The following ORC4 variants were observed in gnomAD, a reference collection of about 807,000 sequenced individuals.
The protein encoded by ORC4 is origin recognition complex subunit 4.
Under a neutral mutation model 63.9 loss-of-function variants are expected in ORC4, and 55 were observed. The observed-to-expected ratio is 0.86, with a 90% confidence interval of 0.69 to 1.08. The LOEUF (loss-of-function observed/expected upper bound fraction) is 1.08. Ranked by LOEUF, ORC4 falls within the 50% of genes least tolerant of loss-of-function variation. The probability of loss-of-function intolerance (pLI) is 0.00; values close to 1 mark genes in which losing one functional copy is unlikely to be tolerated. For missense variants in ORC4, 511 were observed against 504.4 expected (o/e 1.01, Z -0.13); for synonymous variants, 150 against 168.5 (o/e 0.89, Z 0.85).
Position 147,968,755 on chromosome 2 carries a change from A to C in ORC4, c.225+3984T>G, listed in dbSNP as rs112345397. 2.6e-5 allele frequency among the ~76,000 whole-genome samples: 4 copies of C among 152,232 alleles called. 1 individual carries two copies. Among genetic ancestry groups the C allele is most frequent in the African/African-American group, 9.6e-5 (4 of 41,572 alleles). On this transcript the variant is annotated intron_variant, in intron 4 of 13. Transcript: ENST00000392857. ...AAAAACCACTACAAATAGAACTACC[A>C]TATGGTCCAGCAATCACACTACTGA...
At chr2:148,017,949 ACAATT>A (rs1374262483) in intron 1 of ORC4, among the ~76,000 whole-genome samples, 1 of 152,200 alleles carries the variant, frequency 6.6e-6, no homozygotes, top group East Asian at 1.9e-4. Context: ...AACTACGTAT[ACAATT>A]CAAAGAACAA....
intron 4 of ORC4, among the ~76,000 whole-genome samples, chr2:147,959,217 C>T (rs544352826): frequency 6.6e-6 from 1 of 152,156 alleles, no homozygotes; most frequent in East Asian, 1.9e-4. Context: ...ACACATCTCT[C>T]TGACAATTAC....
chr2:147,940,414 C>T (rs1688302262), intron 10 of ORC4, among the ~76,000 whole-genome samples: 2 of 151,934 alleles, frequency 1.3e-5, no homozygotes, highest in Admixed American at 1.3e-4. Context: ...AGGGCATCTA[C>T]CCAGAGGAAA....
In ORC4 at chr2:148,009,018, G is replaced by A. The variant is rs139113677; in HGVS notation, c.-18+11615C>T. Among the ~76,000 whole-genome samples, 756 of 152,174 alleles carry A rather than the reference G, an allele frequency of 5.0e-3. 3 individuals are homozygous for A. Among genetic ancestry groups the A allele is most frequent in the Non-Finnish European group, 8.5e-3 (577 of 68,028 alleles). ...CAAAAAGTCAAAAAGTGAAGGGATGGAGTAGAAGTGTACAGGTTTTTAGTT... is the reference window on the plus strand; with the variant it reads ...CAAAAAGTCAAAAAGTGAAGGGATGAAGTAGAAGTGTACAGGTTTTTAGTT... On this transcript the variant is annotated intron_variant, in intron 1 of 13. Transcript: ENST00000392857.
intron 1 of ORC4, among the ~76,000 whole-genome samples, chr2:148,007,934 C>T (rs919915706): frequency 1.3e-5 from 2 of 152,058 alleles, no homozygotes; most frequent in East Asian, 1.9e-4. Flanking sequence ...TAGCAGAAAC[C>T]CTGGCAGGCC....
At chr2:147,979,537 C>T (rs1389964220) in intron 1 of ORC4, among the ~76,000 whole-genome samples, 1 of 151,728 alleles carries the variant, frequency 6.6e-6, no homozygotes, top group Non-Finnish European at 1.5e-5. Flanking sequence ...CAAAGTAATC[C>T]ATATCAAAAT....
intron 1 of ORC4, among the ~76,000 whole-genome samples, chr2:148,016,448 C>G (rs1322191101): frequency 1.3e-5 from 2 of 152,196 alleles, no homozygotes; most frequent in Non-Finnish European, 2.9e-5. Context: ...CAGCATGGGT[C>G]AACAGAAAGG....
At position 147,972,758 on chromosome 2, in the gene ORC4, C is replaced by A. The variant is rs758258444; in HGVS notation, c.206G>T (p.Arg69Leu). 1 of 1,609,146 alleles carries A rather than the reference C, an allele frequency of 6.2e-7. No individual in the cohort carries two copies. Among genetic ancestry groups the A allele is most frequent in the Non-Finnish European group, 8.5e-7 (1 of 1,176,564 alleles). ...TTTTACCATAGTTTTTCCTGATCCT[C>A]GGGGTCCGATAATAAGGACAGAGTT... is the stretch of plus-strand genomic sequence containing the variant. ...ESNSVLIIGP[R>L]GSGKTMLINH... The change falls in exon 4 of 14, where the codon CGA becomes CTA. Residue 69 changes from arginine (R) to leucine (L), a missense_variant. Coordinates refer to ENST00000392857, the MANE Select transcript of ORC4 (RefSeq NM_181741.4).
intron 1 of ORC4, among the ~76,000 whole-genome samples, chr2:148,008,350 T>C (rs1692748111): frequency 6.6e-6 from 1 of 152,216 alleles, no homozygotes; most frequent in Non-Finnish European, 1.5e-5. Context: ...GAGAACCTTC[T>C]TCTTTTAGAA....
At chr2:147,990,223 GTTC>G (rs1245226355) in intron 1 of ORC4, among the ~76,000 whole-genome samples, 18 of 152,180 alleles carry the variant, frequency 1.2e-4, no homozygotes, top group African/African-American at 4.3e-4. Context: ...TCGATAAAAT[GTTC>G]TTGATTTGCT....
chr2:147,994,115 C>T (rs545304894), intron 1 of ORC4, among the ~76,000 whole-genome samples: 8 of 151,940 alleles, frequency 5.3e-5, no homozygotes, highest in African/African-American at 1.9e-4. Flanking sequence ...TTAGCAACAA[C>T]AACAAAAAAC....
intron 1 of ORC4, among the ~76,000 whole-genome samples, chr2:148,019,527 G>A (rs953278351): frequency 3.3e-5 from 5 of 152,218 alleles, no homozygotes; most frequent in Non-Finnish European, 4.4e-5. Flanking sequence ...AGGAGACAGA[G>A]GTTGCAGTGA....
chr2:147,977,237 TA>T (rs954432529), intron 1 of ORC4, among the ~76,000 whole-genome samples: 2 of 152,138 alleles, frequency 1.3e-5, no homozygotes, highest in South Asian at 2.1e-4. Flanking sequence ...ACCACTTTTT[TA>T]AAAAAGTGTA....
At chr2:147,958,907 T>C (rs376333077) in intron 4 of ORC4, 41 bp from the exon 5 acceptor site, 8 of 832,164 alleles carry the variant, frequency 9.6e-6, no homozygotes, top group Non-Finnish European at 1.4e-5. Flanking sequence ...AGGTAAAAGA[T>C]AAAAATAAGT....
intron 1 of ORC4, among the ~76,000 whole-genome samples, chr2:147,992,296 CTCTG>C (rs1475684554): frequency 6.6e-6 from 1 of 152,076 alleles, no homozygotes; most frequent in Non-Finnish European, 1.5e-5. Context: ...TGGGGCTTCC[CTCTG>C]TCAACTAGGG....
intron 1 of ORC4, among the ~76,000 whole-genome samples, chr2:147,995,787 C>A (rs117362162): frequency 6.6e-6 from 1 of 152,096 alleles, no homozygotes; most frequent in Non-Finnish European, 1.5e-5. Flanking sequence ...AAACTCCAGA[C>A]ACACCATCTT....
intron 1 of ORC4, among the ~76,000 whole-genome samples, chr2:148,007,894 C>T (rs948114568): frequency 6.6e-6 from 1 of 152,170 alleles, no homozygotes; most frequent in African/African-American, 2.4e-5. Flanking sequence ...AGAAACGCTA[C>T]AGGCCAGAAG....
At position 147,986,790 on chromosome 2, in the gene ORC4, T is replaced by TACACACACACACACAC. The variant is rs70992183; in HGVS notation, c.-17-10831_-17-10816dup. Among the ~76,000 whole-genome samples, 491 of 148,642 alleles carry TACACACACACACACAC rather than the reference T, an allele frequency of 3.3e-3. 3 individuals are homozygous for TACACACACACACACAC. The highest frequency in any genetic ancestry group is 0.011 in the African/African-American group (436 of 40,372). Reference sequence around the variant, plus strand: ...AATTTTATACAGACACACACACACATACACACACACACACACACACACACT... The same window carrying TACACACACACACACAC: ...AATTTTATACAGACACACACACACATACACACACACACACACACACACACACACACACACACACACT... On this transcript the variant is annotated intron_variant, in intron 1 of 13. Transcript: ENST00000392857.
chr2:147,950,917 C>T (rs1688923796), intron 8 of ORC4, among the ~76,000 whole-genome samples: 1 of 151,854 alleles, frequency 6.6e-6, no homozygotes, highest in African/African-American at 2.4e-5. Flanking sequence ...ACAACACTCA[C>T]CACAGCCACT....
Sources: allele counts gnomAD v4.1 joint callset (sites outside exome capture counted in the v4.1 genomes callset), GRCh38; gene constraint gnomAD v4.1.1; transcripts MANE v1.5; gene names NCBI Gene and HGNC (gene_info 2026-07-23, HGNC 2026-07-21).